The following LRMDA variants were observed in gnomAD, a reference collection of about 807,000 sequenced individuals.
The protein encoded by LRMDA is leucine rich melanocyte differentiation associated, also known as leucine-rich melanocyte differentiation-associated protein.
In LRMDA, 18 loss-of-function variants were observed where a neutral mutation model predicts 29.8. The observed-to-expected ratio is 0.60, with a 90% CI of 0.42 to 0.90. LRMDA has a LOEUF of 0.90. Ranked by LOEUF, LRMDA falls within the 40% of genes least tolerant of loss-of-function variation. The pLI is 0.00. For synonymous variants in LRMDA, 125 were observed against 109.4 expected (o/e 1.14, Z -0.89); for missense variants, 273 against 273.9 (o/e 1.00, Z 0.02).
intron 6 of LRMDA, among the ~76,000 whole-genome samples, chr10:76,371,126 G>A (rs1193867297): frequency 6.6e-6 from 1 of 152,290 alleles, no homozygotes; most frequent in East Asian, 1.9e-4. Context: ...TCGTGTCATT[G>A]CCTGAGCTTT....
rs184708847 is a variant in LRMDA, at chr10:76,158,277, C to T, written c.516+99494C>T. 4.7e-4 allele frequency among the ~76,000 whole-genome samples: 72 copies of T among 152,268 alleles called. 1 individual carries two copies. In the East Asian group the frequency reaches 8.5e-3, roughly 18 times the overall value. On this transcript the variant is annotated intron_variant, in intron 5 of 6. Coordinates refer to ENST00000611255, the MANE Select transcript of LRMDA (RefSeq NM_001305581.2). ...TTCCTTTTCCTACCCCCTTTGCCTCCTTCTTCCTGGTAACCTTCATTTTTG... is the reference window on the plus strand; with the variant it reads ...TTCCTTTTCCTACCCCCTTTGCCTCTTTCTTCCTGGTAACCTTCATTTTTG...
intron 2 of LRMDA, among the ~76,000 whole-genome samples, chr10:75,514,152 C>T (rs1845259651): frequency 7.1e-6 from 1 of 140,364 alleles, no homozygotes; most frequent in Admixed American, 8.0e-5. Flanking sequence ...CAAAGGCAGT[C>T]CTCCTTTACC....
intron 2 of LRMDA, among the ~76,000 whole-genome samples, chr10:76,031,758 C>T (rs961795472): frequency 6.6e-6 from 1 of 152,148 alleles, no homozygotes; most frequent in Non-Finnish European, 1.5e-5. Context: ...TATTTAGAGT[C>T]GAGGAAGTAG....
At chr10:76,524,669 G>A (rs1470443563) in intron 6 of LRMDA, among the ~76,000 whole-genome samples, 1 of 152,164 alleles carries the variant, frequency 6.6e-6, no homozygotes, top group African/African-American at 2.4e-5. Flanking sequence ...ATAACCATGT[G>A]TTCTCTTTTG....
Position 75,886,401 on chromosome 10 carries a change from A to G in LRMDA, c.132-149607A>G, listed in dbSNP as rs116573814. ...ACCACAAATAGGTCTATGACATATC[A>G]GGGAAGAAATTATCCTGCACCACAT... On this transcript the variant is annotated intron_variant, in intron 2 of 6. Coordinates refer to ENST00000611255, the MANE Select transcript of LRMDA (RefSeq NM_001305581.2). 2.6e-3 allele frequency among the ~76,000 whole-genome samples: 392 copies of G among 152,296 alleles called. 1 individual carries two copies. Among genetic ancestry groups the G allele is most frequent in the African/African-American group, 9.1e-3 (377 of 41,560 alleles).
At chr10:75,878,599 T>C (rs1017721140) in intron 2 of LRMDA, among the ~76,000 whole-genome samples, 5 of 152,230 alleles carry the variant, frequency 3.3e-5, no homozygotes, top group East Asian at 1.9e-4. Flanking sequence ...GAGCACAGGA[T>C]TGGGGGCATG....
At chr10:75,469,204 G>A (rs193150448) in intron 2 of LRMDA, among the ~76,000 whole-genome samples, 1 of 151,918 alleles carries the variant, frequency 6.6e-6, no homozygotes, top group Non-Finnish European at 1.5e-5. Flanking sequence ...GAAAAAAAAA[G>A]AGAGAGATGA....
chr10:76,470,066 A>G (rs921568278), intron 6 of LRMDA, among the ~76,000 whole-genome samples: 6 of 152,134 alleles, frequency 3.9e-5, no homozygotes, highest in Admixed American at 6.6e-5. Flanking sequence ...TAAAAAAACT[A>G]TCAAGCAACA....
At chr10:75,876,026 G>C (rs74146924) in intron 2 of LRMDA, among the ~76,000 whole-genome samples, 10,506 of 152,128 alleles carry the variant, frequency 0.069, 1,106 homozygotes, top group African/African-American at 0.22. Context: ...GGTAGGACAT[G>C]AGGCCTGATT....
At chr10:75,879,785 C>T (rs1589238834) in intron 2 of LRMDA, among the ~76,000 whole-genome samples, 1 of 152,152 alleles carries the variant, frequency 6.6e-6, no homozygotes, top group Non-Finnish European at 1.5e-5. Context: ...TCTGTATCCA[C>T]ATACCTTGTG....
chr10:75,847,420 A>C (rs1395674970), intron 2 of LRMDA, among the ~76,000 whole-genome samples: 8 of 73,344 alleles, frequency 1.1e-4, no homozygotes, highest in Admixed American at 3.0e-4. Context: ...AGAAGGAAAC[A>C]TAGGAAAGCT....
At chr10:76,000,863 T>C (rs1439202081) in intron 2 of LRMDA, among the ~76,000 whole-genome samples, 1 of 152,124 alleles carries the variant, frequency 6.6e-6, no homozygotes, top group Admixed American at 6.5e-5. Context: ...ATGCTTGGTG[T>C]TGAGAGTCTG....
chr10:75,980,250 T>A (rs1309526720), intron 2 of LRMDA, among the ~76,000 whole-genome samples: 2 of 152,188 alleles, frequency 1.3e-5, no homozygotes, highest in African/African-American at 2.4e-5. Flanking sequence ...TATCATAGGA[T>A]CCTGACAAAA....
intron 2 of LRMDA, among the ~76,000 whole-genome samples, chr10:75,640,934 G>C (rs1292230721): frequency 1.3e-5 from 2 of 152,232 alleles, no homozygotes; most frequent in Non-Finnish European, 2.9e-5. Context: ...TCTTCTGCCA[G>C]CTTCCGCATT....
chr10:76,418,523 T>C (rs1842042055), intron 6 of LRMDA, among the ~76,000 whole-genome samples: 1 of 152,050 alleles, frequency 6.6e-6, no homozygotes, highest in African/African-American at 2.4e-5. Context: ...AATTCACTTA[T>C]TTATTCTAAG....
rs555404430 is a variant in LRMDA at position 75,916,826 on chromosome 10, A to T, written c.132-119182A>T. ...CAATACATTATTGGGTAATAGTTTT[A>T]AAATTATTTATAGAAAGAAATCGAG... On this transcript the variant is annotated intron_variant, in intron 2 of 6. Coordinates refer to ENST00000611255, the MANE Select transcript of LRMDA (RefSeq NM_001305581.2). Among the ~76,000 whole-genome samples, 17 of 152,328 alleles carry T rather than the reference A, an allele frequency of 1.1e-4. No homozygotes were observed. The South Asian group carries it at 3.5e-3, about 32-fold the overall frequency.
intron 2 of LRMDA, among the ~76,000 whole-genome samples, chr10:75,742,175 A>G (rs1257371878): frequency 2.0e-5 from 3 of 152,234 alleles, no homozygotes; most frequent in Non-Finnish European, 4.4e-5. Flanking sequence ...TGTAAGATGC[A>G]CGTTCCTTGC....
At chr10:75,922,123 AC>A (rs1846033043) in intron 2 of LRMDA, among the ~76,000 whole-genome samples, 1 of 152,222 alleles carries the variant, frequency 6.6e-6, no homozygotes, top group Non-Finnish European at 1.5e-5. Flanking sequence ...AGACTTCCCA[AC>A]AATGGGGGAA....
At chr10:76,172,404 C>A (rs1224699788) in intron 5 of LRMDA, among the ~76,000 whole-genome samples, 1 of 152,194 alleles carries the variant, frequency 6.6e-6, no homozygotes, top group East Asian at 1.9e-4. Context: ...ATCTAGACTG[C>A]AGTGCAGGGA....
Sources: gnomAD v4.1 joint callset for allele counts (sites outside exome capture counted in the v4.1 genomes callset) on GRCh38, gnomAD v4.1.1 for gene constraint, MANE v1.5 for transcripts, NCBI Gene and HGNC (gene_info 2026-07-23, HGNC 2026-07-21) for gene names.